The following CDS2 variants were observed in gnomAD, a reference collection of about 807,000 sequenced individuals.
The protein encoded by CDS2 is CDP-diacylglycerol synthase 2.
Under a neutral mutation model 59.0 loss-of-function variants are expected in CDS2, and 47 were observed. The observed-to-expected ratio is 0.80, with a 90% CI of 0.63 to 1.02. The LOEUF (loss-of-function observed/expected upper bound fraction) is 1.02. CDS2 is among the 50% of genes least tolerant of loss of function. CDS2 has a pLI of 0.00. For missense variants in CDS2, 356 were observed against 558.9 expected (o/e 0.64, Z 3.66); for synonymous variants, 207 against 206.4 (o/e 1.00, Z -0.02).
intron 1 of CDS2, among the ~76,000 whole-genome samples, chr20:5,142,628 A>G (rs2090704278): frequency 6.6e-6 from 1 of 152,216 alleles, no homozygotes; most frequent in South Asian, 2.1e-4. Context: ...TTCCTCCTGT[A>G]TAAAAAGCAC....
In CDS2 at chr20:5,189,114, C is replaced by T; in HGVS notation, c.1029C>T (p.Ser343=). 1 of 1,614,190 alleles carries T rather than the reference C, an allele frequency of 6.2e-7. No homozygotes were observed. The highest frequency in any genetic ancestry group is 1.6e-4 in the Middle Eastern group (1 of 6,062). ...TCCAGATTCACAGCATCGCTCTCTCCACCTTTGCCTCGCTCATTGGCCCCT... is the reference window on the plus strand; with the variant it reads ...TCCAGATTCACAGCATCGCTCTCTCTACCTTTGCCTCGCTCATTGGCCCCT... The part of the protein sequence containing the change: ...YPFQIHSIAL[S]TFASLIGPFG... Residue 343 remains serine (S), a synonymous_variant, in exon 11 of 13, where the codon TCC becomes TCT. Coordinates refer to ENST00000460006, the MANE Select transcript of CDS2 (RefSeq NM_003818.4).
chr20:5,162,851 G>A (rs2090884943), intron 1 of CDS2, among the ~76,000 whole-genome samples: 1 of 152,134 alleles, frequency 6.6e-6, no homozygotes, highest in South Asian at 2.1e-4. Flanking sequence ...AGAGGAGAAT[G>A]TTTCAAGGAG....
intron 1 of CDS2, among the ~76,000 whole-genome samples, chr20:5,156,658 T>C (rs2090835740): frequency 6.6e-6 from 1 of 152,104 alleles, no homozygotes; most frequent in African/African-American, 2.4e-5. Flanking sequence ...AAAAAAGGAA[T>C]CCATTGGCTC....
chr20:5,161,108 AT>A (rs1472833366), intron 1 of CDS2, among the ~76,000 whole-genome samples: 1 of 152,062 alleles, frequency 6.6e-6, no homozygotes, highest in African/African-American at 2.4e-5. Context: ...TCTATATTTG[AT>A]TTTTTGAGGA....
At chr20:5,161,121 C>T (rs2090873605) in intron 1 of CDS2, among the ~76,000 whole-genome samples, 1 of 152,162 alleles carries the variant, frequency 6.6e-6, no homozygotes, top group Admixed American at 6.5e-5. Flanking sequence ...TTTTGAGGAA[C>T]TGCCAGGCTG....
rs2090693900 is a variant in CDS2 at position 5,141,538 on chromosome 20, T to G, written c.57+14389T>G. On this transcript the variant is annotated intron_variant, in intron 1 of 12. Coordinates refer to ENST00000460006, the MANE Select transcript of CDS2 (RefSeq NM_003818.4). The stretch of plus-strand genomic sequence containing the variant: ...CTTGCAATGGGGACTCTTCCAGACC[T>G]CTCCCTATATATCTCTTCATCTGGC... Among the ~76,000 whole-genome samples, 4 of 152,154 alleles carry G rather than the reference T, an allele frequency of 2.6e-5. No homozygotes were observed. In the South Asian group the frequency reaches 6.2e-4, roughly 24 times the overall value.
intron 10 of CDS2, 100 bp from the exon 11 acceptor site, chr20:5,188,967 G>A (rs2091091457): frequency 2.0e-6 from 3 of 1,491,244 alleles, no homozygotes; most frequent in Non-Finnish European, 2.8e-6. Context: ...ACCTCCCAGT[G>A]AGGCCACAAT....
chr20:5,179,421 C>T lies in CDS2; in HGVS notation c.529+465C>T, dbSNP rs557677452. ...ACAGGTGTGAGCCACCACGCCCGGC[C>T]TTGTAGGAGCTCTTTTAAGAGAAGC... On this transcript the variant is annotated intron_variant, in intron 5 of 12. Coordinates refer to ENST00000460006, the MANE Select transcript of CDS2 (RefSeq NM_003818.4). 1.9e-4 allele frequency among the ~76,000 whole-genome samples: 29 copies of T among 152,338 alleles called. No homozygotes were observed. In the South Asian group the frequency reaches 3.5e-3, roughly 19 times the overall value.
chr20:5,191,622 T>C lies in CDS2; in HGVS notation c.*1388T>C, dbSNP rs1358176107. 2.0e-5 allele frequency: 3 copies of C among 152,216 alleles called. No individual in the cohort carries two copies. The highest frequency in any genetic ancestry group is 7.2e-5 in the African/African-American group (3 of 41,412). 9.4% of individuals were successfully genotyped at this position (152,216 alleles called of 1,614,324 possible). On this transcript the variant is annotated 3_prime_UTR_variant, in exon 13 of 13. Coordinates refer to ENST00000460006, the MANE Select transcript of CDS2 (RefSeq NM_003818.4). ...GGTCTAGTGCTGGTTTGTGGTGTTT[T>C]TGTTTGTAAATTAGCCTCACTGCCT...
chr20:5,189,067 A>G lies in CDS2; in HGVS notation c.982A>G (p.Lys328Glu), dbSNP rs2091092371. The change falls in exon 11 of 13, where the codon AAA (lysine) becomes GAA (glutamate). Residue 328 changes from lysine to glutamate, a missense_variant and splice_region_variant. Physicochemically the swap from Lys to Glu is moderately conservative, Grantham distance 56. Coordinates refer to ENST00000460006, the MANE Select transcript of CDS2 (RefSeq NM_003818.4). The part of the protein sequence containing the change: ...PGVIQSVIGW[K>E]TVRMYPFQIH... ...CTTTTACTTCATTTACTCTTCTCAG[A>G]AAACGGTCCGGATGTACCCCTTCCA... 1 of 1,614,172 alleles carries G rather than the reference A, an allele frequency of 6.2e-7. No homozygotes were observed. The highest frequency in any genetic ancestry group is 8.5e-7 in the Non-Finnish European group (1 of 1,179,988).
chr20:5,133,100 G>A (rs1243453387), intron 1 of CDS2, among the ~76,000 whole-genome samples: 2 of 151,620 alleles, frequency 1.3e-5, no homozygotes, highest in African/African-American at 2.4e-5. Flanking sequence ...GCGTGAACCC[G>A]GGAGGCGGAG....
chr20:5,175,050 C>T lies in CDS2; in HGVS notation c.195-133C>T, dbSNP rs140229408. On this transcript the variant is annotated intron_variant, in intron 2 of 12. Coordinates refer to ENST00000460006, the MANE Select transcript of CDS2 (RefSeq NM_003818.4). Reference sequence around the variant, plus strand: ...CCTGCCAGCATGTGGCTGGTGCCTCCGTCACGGTGAATCTGGAAAGGACTG... The same window carrying T: ...CCTGCCAGCATGTGGCTGGTGCCTCTGTCACGGTGAATCTGGAAAGGACTG... 2,533 of 675,636 alleles carry T rather than the reference C, an allele frequency of 3.7e-3. 12 individuals are homozygous for T. Among genetic ancestry groups the T allele is most frequent in the Non-Finnish European group, 5.5e-3 (2,077 of 379,308 alleles). 41.9% of individuals were successfully genotyped at this position (675,636 alleles called of 1,614,324 possible). A position where few individuals can be genotyped will look rare whatever the true frequency, so the allele number is the denominator to read the frequency against.
At chr20:5,154,320 G>A (rs574587933) in intron 1 of CDS2, among the ~76,000 whole-genome samples, 7 of 152,296 alleles carry the variant, frequency 4.6e-5, no homozygotes, top group African/African-American at 1.7e-4. Context: ...TTCATTCTAA[G>A]AGCCTTGACC....
At chr20:5,165,349 C>G (rs55673215) in intron 1 of CDS2, among the ~76,000 whole-genome samples, 9,522 of 152,198 alleles carry the variant, frequency 0.063, 350 homozygotes, top group African/African-American at 0.093. Flanking sequence ...TCAGCCTACG[C>G]GACATGTAGC....
chr20:5,193,620 G>C lies in CDS2; in HGVS notation c.*3386G>C, dbSNP rs372776920. 1 of 152,218 alleles carries C rather than the reference G, an allele frequency of 6.6e-6. No individual in the cohort carries two copies. Among genetic ancestry groups the C allele is most frequent in the African/African-American group, 2.4e-5 (1 of 41,434 alleles). The allele number at this position is 152,218 out of a possible 1,614,324, so 9.4% of individuals were successfully genotyped here. A position where few individuals can be genotyped will look rare whatever the true frequency, so the allele number is the denominator to read the frequency against. ...TCAGTGAGCCCTTGGCTCAGCCCTT[G>C]TCACCTGTTTGTATGGGGACCATGT... On this transcript the variant is annotated 3_prime_UTR_variant, in exon 13 of 13. Coordinates refer to ENST00000460006, the MANE Select transcript of CDS2 (RefSeq NM_003818.4).
Position 5,184,710 on chromosome 20 carries a change from A to T in CDS2, c.672-148A>T. The T allele has an allele frequency of 1.6e-5, 11 of 678,428 alleles. No individual in the cohort carries two copies. The highest frequency in any genetic ancestry group is 2.5e-4 in the Middle Eastern group (1 of 3,944). 42.0% of individuals were successfully genotyped at this position (678,428 alleles called of 1,614,324 possible). On this transcript the variant is annotated intron_variant, in intron 7 of 12. Coordinates refer to ENST00000460006, the MANE Select transcript of CDS2 (RefSeq NM_003818.4). The surrounding 1 kb of genome is among the most constrained non-coding windows in gnomAD (Gnocchi z 4.3). ...AGGTACTAGGTATGACTTTTTTGGT[A>T]TTTTTTATGTTTTTAACTTACTCCT...
At chr20:5,157,761 C>T (rs1282482494) in intron 1 of CDS2, among the ~76,000 whole-genome samples, 1 of 152,128 alleles carries the variant, frequency 6.6e-6, no homozygotes, top group Non-Finnish European at 1.5e-5. Flanking sequence ...GGGGTTCAGC[C>T]TCATGACCTA....
chr20:5,183,787 A>G (rs1050454986), intron 7 of CDS2, among the ~76,000 whole-genome samples: 2 of 152,248 alleles, frequency 1.3e-5, no homozygotes, highest in Non-Finnish European at 2.9e-5. Context: ...AGTGGATTTT[A>G]TTCCAAAAAT....
At chr20:5,176,375 G>A (rs886676186) in intron 3 of CDS2, 5 of 336,136 alleles carry the variant, frequency 1.5e-5, no homozygotes, top group African/African-American at 6.2e-5. Flanking sequence ...TGGGCAACAC[G>A]GTGAAACCCT....
Sources: gnomAD v4.1 joint callset for allele counts (sites outside exome capture counted in the v4.1 genomes callset) on GRCh38, gnomAD v4.1.1 for gene constraint, Gnocchi (gnomAD v3.1) non-coding constraint, MANE v1.5 for transcripts, NCBI Gene and HGNC (gene_info 2026-07-23, HGNC 2026-07-21) for gene names.